Variants in DSCAM observed in about 807,000 individuals in gnomAD.
DSCAM encodes cell adhesion molecule DSCAM.
A neutral mutation model predicts 217.7 loss-of-function variants in DSCAM; 47 were observed. The observed-to-expected ratio is 0.22, with a 90% CI of 0.17 to 0.28. DSCAM has a LOEUF of 0.28. DSCAM is among the 10% of genes least tolerant of loss of function. DSCAM has a pLI of 1.00. For synonymous variants in DSCAM, 1,056 were observed against 1,015.3 expected, an observed-to-expected ratio of 1.04 and a Z score of -0.76; for missense variants, 2,080 against 2,618.3, an observed-to-expected ratio of 0.79 and a Z score of 4.49.
chr21:40,542,993 C>A, intron 3 of DSCAM, among the ~76,000 whole-genome samples: 1 of 152,070 alleles, frequency 6.6e-6, no homozygotes, highest in Admixed American at 6.6e-5. Flanking sequence ...GTGGCATTTC[C>A]CTGAAGACAA....
chr21:40,326,928 GTATATT>G lies in DSCAM; in HGVS notation c.1783+11167_1783+11172del, dbSNP rs889535829. On this transcript the variant is annotated intron_variant, in intron 8 of 32. Coordinates refer to ENST00000400454, the MANE Select transcript of DSCAM (RefSeq NM_001389.5). ...ATATAATATACATATATAACTATAT[GTATATT>G]TATATTTGTGTTTTATATTTATATA... Among the ~76,000 whole-genome samples the G allele has an allele frequency of 1.5e-4, 23 of 148,856 alleles. No homozygotes were observed. In the East Asian group the frequency reaches 3.3e-3, roughly 22 times the overall value.
intron 28 of DSCAM, among the ~76,000 whole-genome samples, chr21:40,061,293 C>T (rs1481578196): frequency 5.3e-5 from 8 of 152,108 alleles, no homozygotes; most frequent in Non-Finnish European, 1.0e-4. Context: ...AGTTATCCTT[C>T]CGTGGTGGCT....
At chr21:40,677,458 G>A (rs990265191) in intron 3 of DSCAM, among the ~76,000 whole-genome samples, 12 of 152,070 alleles carry the variant, frequency 7.9e-5, no homozygotes, top group Admixed American at 7.2e-4. Flanking sequence ...AAAAAGGCCT[G>A]GACTGTTGCA....
At chr21:40,356,854 G>A (rs1410798082) in intron 4 of DSCAM, among the ~76,000 whole-genome samples, 7 of 152,182 alleles carry the variant, frequency 4.6e-5, no homozygotes, top group African/African-American at 1.7e-4. Context: ...TGATTCCGTA[G>A]TCAGCCACTG....
chr21:40,042,253 C>T (rs1028137473), intron 32 of DSCAM, 118 bp downstream of exon 32: 3 of 1,041,656 alleles, frequency 2.9e-6, no homozygotes, highest in African/African-American at 3.2e-5. Flanking sequence ...ATGCAGCCAT[C>T]CATAAACAGA....
chr21:40,722,026 A>T (rs1043502879), intron 1 of DSCAM, among the ~76,000 whole-genome samples: 1 of 152,050 alleles, frequency 6.6e-6, no homozygotes, highest in Admixed American at 6.6e-5. Context: ...AATTTGAAGC[A>T]TTTTTTTAAA....
intron 3 of DSCAM, among the ~76,000 whole-genome samples, chr21:40,681,560 T>C (rs1168646627): frequency 3.3e-5 from 5 of 150,432 alleles, no homozygotes; most frequent in Non-Finnish European, 7.4e-5. Flanking sequence ...CAGCAGGAGA[T>C]GGAAAGATAT....
At chr21:40,677,913 C>T (rs2090358845) in intron 3 of DSCAM, among the ~76,000 whole-genome samples, 1 of 152,100 alleles carries the variant, frequency 6.6e-6, no homozygotes. Flanking sequence ...AAATTTCTGT[C>T]GTTTATAAGC....
intron 18 of DSCAM, among the ~76,000 whole-genome samples, chr21:40,137,130 G>A (rs1300535863): frequency 1.4e-5 from 2 of 142,672 alleles, no homozygotes; most frequent in Non-Finnish European, 3.0e-5. Flanking sequence ...AGTCGAGATC[G>A]CACCACTGCA....
rs1220741314 is a variant in DSCAM, at chr21:40,542,697, G to A, written c.508+150113C>T. 2.6e-5 allele frequency among the ~76,000 whole-genome samples: 4 copies of A among 152,272 alleles called. No individual in the cohort carries two copies. The South Asian group carries it at 6.2e-4, about 24-fold the overall frequency. On this transcript the variant is annotated intron_variant, in intron 3 of 32. Transcript: ENST00000400454. ...GACTTCCAGCCCCCAAAACAGTGAG[G>A]AATAATTGTCTGCTGTTTCTAAGCC...
At chr21:40,737,367 G>A (rs2091074786) in intron 1 of DSCAM, among the ~76,000 whole-genome samples, 1 of 152,182 alleles carries the variant, frequency 6.6e-6, no homozygotes, top group African/African-American at 2.4e-5. Flanking sequence ...CGGCCGGACA[G>A]TGGCTCACGC....
At chr21:40,049,736 C>T (rs919882871) in intron 30 of DSCAM, among the ~76,000 whole-genome samples, 2 of 152,198 alleles carry the variant, frequency 1.3e-5, no homozygotes, top group African/African-American at 2.4e-5. Context: ...GATACACACA[C>T]GTCCCTCCCA....
intron 19 of DSCAM, among the ~76,000 whole-genome samples, chr21:40,127,264 C>T (rs1318280050): frequency 1.3e-5 from 2 of 152,096 alleles, no homozygotes; most frequent in South Asian, 2.1e-4. Context: ...TGATACTAGC[C>T]TTTACTTTGT....
intron 1 of DSCAM, among the ~76,000 whole-genome samples, chr21:40,781,252 T>A (rs1289235833): frequency 6.6e-6 from 1 of 152,190 alleles, no homozygotes; most frequent in Non-Finnish European, 1.5e-5. Context: ...ACTCCTGGCC[T>A]CAAGTGATCT....
At chr21:40,445,145 C>G (rs2075664167) in intron 3 of DSCAM, among the ~76,000 whole-genome samples, 1 of 152,200 alleles carries the variant, frequency 6.6e-6, no homozygotes, top group African/African-American at 2.4e-5. Flanking sequence ...TATGAGAGCA[C>G]TAATCCCATT....
At chr21:40,578,870 A>T (rs1204927725) in intron 3 of DSCAM, among the ~76,000 whole-genome samples, 1 of 152,354 alleles carries the variant, frequency 6.6e-6, no homozygotes, top group East Asian at 1.9e-4. Flanking sequence ...CATAGAGTAC[A>T]GTGCAGCAGT....
In DSCAM at chr21:40,657,583, C is replaced by T. The variant is rs542141397; in HGVS notation, c.508+35227G>A. On this transcript the variant is annotated intron_variant, in intron 3 of 32. Transcript: ENST00000400454. ...GCACAGACACAGGCGCAGCTACACCCTTTGGTGACTTACCCTAAAGCAATG... is the reference window on the plus strand; with the variant it reads ...GCACAGACACAGGCGCAGCTACACCTTTTGGTGACTTACCCTAAAGCAATG... 8.5e-5 allele frequency among the ~76,000 whole-genome samples: 13 copies of T among 152,296 alleles called. No homozygotes were observed. In the South Asian group the frequency reaches 2.7e-3, roughly 32 times the overall value.
intron 27 of DSCAM, 48 bp from the exon 28 acceptor site, chr21:40,062,947 A>G (rs1305875921): frequency 6.5e-7 from 1 of 1,528,746 alleles, no homozygotes; most frequent in Admixed American, 2.1e-5. Flanking sequence ...ACTCATTAAC[A>G]TTCACTTAGG....
chr21:40,455,327 G>T (rs749120608), intron 3 of DSCAM, among the ~76,000 whole-genome samples: 10 of 152,088 alleles, frequency 6.6e-5, no homozygotes, highest in Admixed American at 2.0e-4. Context: ...GGTAAAAGAT[G>T]AAGTTCAGAC....
Sources: allele counts gnomAD v4.1 joint callset (sites outside exome capture counted in the v4.1 genomes callset), GRCh38; gene constraint gnomAD v4.1.1; transcripts MANE v1.5; gene names NCBI Gene and HGNC (gene_info 2026-07-23, HGNC 2026-07-21).